Variants in FRMD4A observed in about 807,000 individuals in gnomAD.
FRMD4A encodes the protein FERM domain containing 4A, also known as FERM domain-containing protein 4A.
A neutral mutation model predicts 129.1 loss-of-function variants in FRMD4A; 29 were observed. The observed-to-expected ratio is 0.22, with a 90% CI of 0.17 to 0.31. FRMD4A has a LOEUF of 0.31. Ranked by LOEUF, FRMD4A falls within the 10% of genes least tolerant of loss-of-function variation. The pLI, the probability that FRMD4A is intolerant of heterozygous loss-of-function variation, is 1.00. For missense variants in FRMD4A, 1,272 were observed against 1,375.8 expected (o/e 0.92, Z 1.19); for synonymous variants, 634 against 571.6 (o/e 1.11, Z -1.56).
rs116441912 is a variant in FRMD4A at position 14,317,560 on chromosome 10, G to A, written c.45+12498C>T. On this transcript the variant is annotated intron_variant, in intron 2 of 24. Transcript: ENST00000357447. The stretch of plus-strand genomic sequence containing the variant: ...AAACTCTAAACTTCTTGAGAGCAGG[G>A]ACTAGGTGGTATTTACACACATATC... Among the ~76,000 whole-genome samples the A allele has an allele frequency of 8.9e-3, 1,362 of 152,190 alleles. 19 individuals are homozygous for A. Among genetic ancestry groups the A allele is most frequent in the African/African-American group, 0.031 (1,298 of 41,506 alleles).
chr10:13,816,051 T>C (rs1260822029), intron 3 of FRMD4A, among the ~76,000 whole-genome samples: 2 of 152,242 alleles, frequency 1.3e-5, no homozygotes, highest in African/African-American at 4.8e-5. Context: ...ACAAACTTCA[T>C]CTTTTCAAAT....
chr10:13,789,804 T>TGTGTGTG (rs1554898662), intron 5 of FRMD4A, among the ~76,000 whole-genome samples: 1,256 of 104,078 alleles, frequency 0.012, 29 homozygotes, highest in African/African-American at 0.041. Flanking sequence ...TGTGTGTGTG[T>TGTGTGTG]TGTGTGGTGA....
At chr10:13,881,546 G>T in intron 2 of FRMD4A, among the ~76,000 whole-genome samples, 1 of 152,152 alleles carries the variant, frequency 6.6e-6, no homozygotes, top group East Asian at 1.9e-4. Context: ...ATAGGTAGGG[G>T]CCCTGGGCTG....
chr10:14,022,043 C>A (rs1292060083), intron 2 of FRMD4A, among the ~76,000 whole-genome samples: 1 of 152,072 alleles, frequency 6.6e-6, no homozygotes, highest in Non-Finnish European at 1.5e-5. Flanking sequence ...TGATATGTAT[C>A]TATTGAGGTC....
intron 6 of FRMD4A, among the ~76,000 whole-genome samples, chr10:13,766,506 G>T (rs370494581): frequency 6.6e-6 from 1 of 152,112 alleles, no homozygotes; most frequent in East Asian, 1.9e-4. Flanking sequence ...TTCTGACCTC[G>T]CCTATTTAAC....
At chr10:14,207,014 C>T (rs777898041) in intron 2 of FRMD4A, among the ~76,000 whole-genome samples, 8 of 151,882 alleles carry the variant, frequency 5.3e-5, no homozygotes, top group East Asian at 1.9e-4. Context: ...AGCTGGCCTA[C>T]GAAGACTTCT....
chr10:14,044,740 C>G (rs187611029), intron 2 of FRMD4A, among the ~76,000 whole-genome samples: 1 of 152,302 alleles, frequency 6.6e-6, no homozygotes, highest in African/African-American at 2.4e-5. Flanking sequence ...TTTAAGCCAG[C>G]CAGTTTGTGA....
chr10:14,189,841 A>G (rs1221022951), intron 2 of FRMD4A, among the ~76,000 whole-genome samples: 1 of 152,210 alleles, frequency 6.6e-6, no homozygotes, highest in Non-Finnish European at 1.5e-5. Context: ...AATGAGAACA[A>G]TGGCAAAAGT....
chr10:13,798,935 T>C (rs554294469), intron 4 of FRMD4A, among the ~76,000 whole-genome samples: 17 of 152,288 alleles, frequency 1.1e-4, no homozygotes, highest in African/African-American at 4.1e-4. Flanking sequence ...TTCGTCCCAG[T>C]AGGCCTTTCC....
chr10:14,060,853 A>G (rs1388891159), intron 2 of FRMD4A, among the ~76,000 whole-genome samples: 1 of 152,186 alleles, frequency 6.6e-6, no homozygotes, highest in Non-Finnish European at 1.5e-5. Flanking sequence ...TTCTAAGCAT[A>G]ATAACAAAGC....
At chr10:13,828,796 T>C (rs1055234476) in intron 3 of FRMD4A, among the ~76,000 whole-genome samples, 10 of 152,226 alleles carry the variant, frequency 6.6e-5, no homozygotes, top group Admixed American at 3.9e-4. Context: ...CCTCGCAAAG[T>C]GCTGGGATTA....
At chr10:13,928,274 G>A (rs1589300288) in intron 2 of FRMD4A, among the ~76,000 whole-genome samples, 1 of 151,770 alleles carries the variant, frequency 6.6e-6, no homozygotes, top group Non-Finnish European at 1.5e-5. Flanking sequence ...CGCTCACCTC[G>A]GTCTCCCAAA....
At chr10:14,162,641 G>GTTTTTTT (rs71388160) in intron 2 of FRMD4A, among the ~76,000 whole-genome samples, 14 of 118,386 alleles carry the variant, frequency 1.2e-4, no homozygotes, top group South Asian at 2.6e-4. Context: ...TTTTTTTTTT[G>GTTTTTTT]TTTTTTTTTT....
intron 15 of FRMD4A, among the ~76,000 whole-genome samples, chr10:13,683,307 G>A (rs534659017): frequency 9.2e-5 from 14 of 152,266 alleles, no homozygotes; most frequent in East Asian, 1.9e-4. Flanking sequence ...AGAATAGGCC[G>A]GGCCTGGTGG....
intron 2 of FRMD4A, among the ~76,000 whole-genome samples, chr10:13,974,976 T>C (rs910729606): frequency 2.2e-5 from 3 of 134,840 alleles, no homozygotes; most frequent in Non-Finnish European, 4.8e-5. Flanking sequence ...AGCAATTCAC[T>C]ATAGGTGTGT....
At chr10:14,249,505 AC>A (rs1329975871) in intron 2 of FRMD4A, among the ~76,000 whole-genome samples, 1 of 152,148 alleles carries the variant, frequency 6.6e-6, no homozygotes, top group African/African-American at 2.4e-5. Context: ...TGCCCATGCC[AC>A]CCCAGTGTCC....
At chr10:13,786,043 C>A (rs556921836) in intron 5 of FRMD4A, among the ~76,000 whole-genome samples, 217 of 152,276 alleles carry the variant, frequency 1.4e-3, no homozygotes, top group African/African-American at 5.1e-3. Flanking sequence ...TGGGTTGGTT[C>A]CAAGTCTTTG....
chr10:13,994,175 ATTTTTTT>A (rs549621959), intron 2 of FRMD4A, among the ~76,000 whole-genome samples: 29,507 of 101,818 alleles, frequency 0.29, 4,063 homozygotes, highest in East Asian at 0.6. Flanking sequence ...CGCCCAGCTA[ATTTTTTT>A]TTTTTTTTTT....
chr10:13,957,007 G>A (rs540001399), intron 2 of FRMD4A, among the ~76,000 whole-genome samples: 2 of 152,208 alleles, frequency 1.3e-5, no homozygotes, highest in South Asian at 4.1e-4. Flanking sequence ...GTGTCTGCTT[G>A]TCCAGAACAT....
Sources: gnomAD v4.1 joint callset for allele counts (sites outside exome capture counted in the v4.1 genomes callset) on GRCh38, gnomAD v4.1.1 for gene constraint, MANE v1.5 for transcripts, NCBI Gene and HGNC (gene_info 2026-07-23, HGNC 2026-07-21) for gene names.